The following CYLC1 variants were observed in gnomAD, a reference collection of about 807,000 sequenced individuals.
CYLC1 encodes the protein cylicin-1.
In CYLC1, 2 loss-of-function variants were observed where a neutral mutation model predicts 31.6. The observed-to-expected ratio is 0.06, with a 90% CI of 0.03 to 0.20. CYLC1 has a LOEUF of 0.20. Ranked by LOEUF, CYLC1 falls within the 10% of genes least tolerant of loss-of-function variation. The pLI is 1.00. For missense variants in CYLC1, 595 were observed against 424.1 expected, an observed-to-expected ratio of 1.40 and a Z score of -3.54; for synonymous variants, 185 against 153.0, an observed-to-expected ratio of 1.21 and a Z score of -1.54.
chrX:83,863,643 A>G (rs1040692961), intron 1 of CYLC1, among the ~76,000 whole-genome samples: 1 of 111,915 alleles, frequency 8.9e-6, no homozygotes, highest in Non-Finnish European at 1.9e-5. Context: ...ATTTAAATAT[A>G]AAATGACAAA....
chrX:83,878,092 G>T (rs1182090143), intron 4 of CYLC1, among the ~76,000 whole-genome samples: 2 of 40,215 alleles, frequency 5.0e-5, no homozygotes, highest in African/African-American at 1.1e-4. Context: ...ATATATATTT[G>T]TATATAAATA....
intron 4 of CYLC1, among the ~76,000 whole-genome samples, chrX:83,877,951 T>A (rs1303912161): frequency 1.3e-5 from 1 of 77,797 alleles, no homozygotes; most frequent in Non-Finnish European, 2.3e-5. Context: ...TATTTGTATA[T>A]AAATATAAAT....
In CYLC1 at chrX:83,875,534, G is replaced by A. The variant is rs763546547; in HGVS notation, c.1923+903G>A. Among the ~76,000 whole-genome samples, 7 of 111,566 alleles carry A rather than the reference G, an allele frequency of 6.3e-5. No homozygotes were observed. The East Asian group carries it at 2.0e-3, about 32-fold the overall frequency. On this transcript the variant is annotated intron_variant, in intron 4 of 4. Coordinates refer to ENST00000329312, the MANE Select transcript of CYLC1 (RefSeq NM_021118.3). ...TCACATCTTACTTGGATGGCAGCAG[G>A]CAAAGAGAGCTTGTGCAGAGAAACT... is the stretch of plus-strand genomic sequence containing the variant.
intron 1 of CYLC1, among the ~76,000 whole-genome samples, chrX:83,865,975 A>T (rs1039688870): frequency 5.4e-5 from 6 of 111,332 alleles, no homozygotes; most frequent in African/African-American, 2.0e-4. Context: ...ATGCAAATAC[A>T]GTCACTCAAA....
At chrX:83,861,345 T>C (rs2031506843) in intron 1 of CYLC1, 146 bp downstream of exon 1, 1 of 464,091 alleles carries the variant, frequency 2.2e-6, no homozygotes, top group Non-Finnish European at 3.5e-6. Flanking sequence ...AACAGAGATA[T>C]GAAATTTTCA....
At chrX:83,861,225 T>C in intron 1 of CYLC1, 26 bp downstream of exon 1, 1 of 1,126,374 alleles carries the variant, frequency 8.9e-7, no homozygotes, top group Non-Finnish European at 1.2e-6. Flanking sequence ...AATATTTTTT[T>C]AGTATTTTAA....
chrX:83,863,241 A>G (rs2031541352), intron 1 of CYLC1, among the ~76,000 whole-genome samples: 1 of 111,141 alleles, frequency 9.0e-6, no homozygotes, highest in African/African-American at 3.3e-5. Flanking sequence ...ACTACTGCAC[A>G]TATCCCTCCA....
intron 4 of CYLC1, among the ~76,000 whole-genome samples, chrX:83,879,057 C>A (rs937856347): frequency 6.4e-5 from 7 of 109,906 alleles, no homozygotes; most frequent in African/African-American, 2.0e-4. Context: ...GCAATATTCT[C>A]AAACGTAAGT....
chrX:83,867,150 C>A (rs1056596784), intron 1 of CYLC1, among the ~76,000 whole-genome samples: 3 of 111,612 alleles, frequency 2.7e-5, no homozygotes, highest in African/African-American at 9.7e-5. Flanking sequence ...TCTTTAAAAT[C>A]CATATTTCAT....
Position 83,867,184 on chromosome X carries a change from G to A in CYLC1, c.18-2681G>A, listed in dbSNP as rs184427016. The stretch of plus-strand genomic sequence containing the variant: ...ATCAAGTCTTTTTATGATGATTTAC[G>A]TATTCTCAAAGATGATTTAGGCTTT... On this transcript the variant is annotated intron_variant, in intron 1 of 4. Coordinates refer to ENST00000329312, the MANE Select transcript of CYLC1 (RefSeq NM_021118.3). 5.3e-3 allele frequency among the ~76,000 whole-genome samples: 587 copies of A among 111,351 alleles called. 4 individuals carry two copies. Among genetic ancestry groups the A allele is most frequent in the African/African-American group, 0.018 (538 of 30,729 alleles).
chrX:83,873,257 A>T lies in CYLC1; in HGVS notation c.549A>T (p.Pro183=), dbSNP rs1209375802. ...CAAAATCCAGTTCAGAAACTAATCC[A>T]GAATCCCAAAATTCTAAGACAGTCT... ...KKSKSSSETN[P]ESQNSKTVSK... Residue 183 remains proline (P), a synonymous_variant, in exon 4 of 5, where the codon CCA becomes CCT. Transcript: ENST00000329312. 8.3e-7 allele frequency: 1 copy of T among 1,200,220 alleles called. No homozygotes were observed. Among genetic ancestry groups the T allele is most frequent in the Non-Finnish European group, 1.1e-6 (1 of 889,952 alleles).
Position 83,874,484 on chromosome X carries a change from G to T in CYLC1, c.1776G>T (p.Gly592=). ...SSKKTTFNEK[G]EKASTGRVPP... is the part of the protein sequence containing the mutation. The stretch of plus-strand genomic sequence containing the variant: ...AAAAGACTACATTCAATGAAAAAGG[G>T]GAAAAAGCAAGTACAGGTAGAGTTC... The change falls in exon 4 of 5, where the codon GGG becomes GGT. Residue 592 remains glycine, a synonymous_variant. Coordinates refer to ENST00000329312, the MANE Select transcript of CYLC1 (RefSeq NM_021118.3). 8.3e-7 allele frequency: 1 copy of T among 1,209,601 alleles called. No individual in the cohort carries two copies. The highest frequency in any genetic ancestry group is 1.1e-6 in the Non-Finnish European group (1 of 894,507).
intron 4 of CYLC1, among the ~76,000 whole-genome samples, chrX:83,877,548 A>ACAC (rs2031786699): frequency 9.1e-6 from 1 of 109,880 alleles, no homozygotes; most frequent in Admixed American, 9.9e-5. Context: ...TTTCTCATAA[A>ACAC]CACCAAGATT....
intron 1 of CYLC1, 125 bp from the exon 2 acceptor site, chrX:83,869,740 A>G: frequency 3.4e-6 from 1 of 291,611 alleles, no homozygotes; most frequent in Non-Finnish European, 5.4e-6. Context: ...GTTCCAAATC[A>G]CTGATTAAAC....
chrX:83,886,622 C>T lies in CYLC1; in HGVS notation c.*38C>T. ...CACTTGGTTTCACAGAATGGCCTTA[C>T]CACAGTAAGCACCACCTACTCTCAA... On this transcript the variant is annotated 3_prime_UTR_variant, in exon 5 of 5. Transcript: ENST00000329312. 9.0e-7 allele frequency: 1 copy of T among 1,116,074 alleles called. No homozygotes were observed. Among genetic ancestry groups the T allele is most frequent in the South Asian group, 1.9e-5 (1 of 53,683 alleles). 92.0% of individuals were successfully genotyped at this position (1,116,074 alleles called of 1,213,427 possible).
intron 1 of CYLC1, among the ~76,000 whole-genome samples, chrX:83,867,049 A>C (rs775631272): frequency 8.9e-6 from 1 of 111,884 alleles, no homozygotes; most frequent in Admixed American, 9.5e-5. Context: ...AACACAGTTC[A>C]GCTGTTTCTG....
Position 83,873,937 on chromosome X carries a change from A to C in CYLC1, c.1229A>C (p.Glu410Ala). 1 of 1,186,787 alleles carries C rather than the reference A, an allele frequency of 8.4e-7. No homozygotes were observed. The highest frequency in any genetic ancestry group is 1.1e-6 in the Non-Finnish European group (1 of 879,675). Residue 410 changes from glutamate to alanine, a missense_variant, in exon 4 of 5, where the codon GAA becomes GCA. Physicochemically the swap from Glu to Ala is moderately radical, Grantham distance 107. Transcript: ENST00000329312. Reference protein sequence around the residue: ...AKKITFSTDSESELESKESQK... With the variant: ...AKKITFSTDSASELESKESQK... ...AAAATTACATTCTCTACTGATTCTG[A>C]ATCTGAACTGGAGTCAAAGGAGAGT...
At chrX:83,877,602 A>G (rs1390752845) in intron 4 of CYLC1, among the ~76,000 whole-genome samples, 11 of 107,880 alleles carry the variant, frequency 1.0e-4, no homozygotes, top group Non-Finnish European at 1.9e-4. Flanking sequence ...CTCTGATTGG[A>G]ATATTCCTCC....
At chrX:83,872,773 GA>G in intron 3 of CYLC1, 112 bp from the exon 4 acceptor site, 1 of 606,779 alleles carries the variant, frequency 1.6e-6, no homozygotes, top group Non-Finnish European at 2.4e-6. Flanking sequence ...CCTTGAAAGA[GA>G]AAAAAACTAA....
Sources: allele counts gnomAD v4.1 joint callset (sites outside exome capture counted in the v4.1 genomes callset), GRCh38; gene constraint gnomAD v4.1.1; transcripts MANE v1.5; gene names NCBI Gene and HGNC (gene_info 2026-07-23, HGNC 2026-07-21).